STK33: variants seen among roughly 807,000 people sequenced by gnomAD.
STK33 encodes serine/threonine kinase 33, also known as serine/threonine-protein kinase 33.
Under a neutral mutation model 58.0 loss-of-function variants are expected in STK33, and 52 were observed. The ratio of observed to expected loss-of-function variants is 0.90; its 90% CI spans 0.72 to 1.13. The LOEUF (loss-of-function observed/expected upper bound fraction) is 1.13. Among genes scored for constraint, STK33 ranks in the 50% most tolerant of loss-of-function variants. STK33 has a pLI of 0.00. For synonymous variants in STK33, 215 were observed against 200.1 expected (o/e 1.07, Z -0.63); for missense variants, 630 against 604.2 (o/e 1.04, Z -0.45).
chr11:8,335,810 C>A, the STK33 span, among the ~76,000 whole-genome samples: 1 of 152,196 alleles, frequency 6.6e-6, no homozygotes, highest in Non-Finnish European at 1.5e-5. Flanking sequence ...ATTTTACATT[C>A]TTCTATGGTG....
Position 8,457,406 on chromosome 11 carries a change from G to C in STK33, c.632C>G (p.Ser211Ter). The change falls in exon 9 of 16, where the codon TCA becomes TGA. Residue 211 changes from serine to a stop codon, truncating the protein, a stop_gained. Coordinates refer to ENST00000687296, the MANE Select transcript of STK33 (RefSeq NM_001352389.2). LOFTEE classifies it high-confidence loss of function. Reference protein sequence around the residue: ...KEILDRKGHFSENETRWIIQS... With the variant: ...KEILDRKGHF ...AATGATCCACCTTGTCTCATTCTCT[G>C]AGAAATGCCCTTTCCTATCCAGAAT... 6.2e-7 allele frequency: 1 copy of C among 1,608,414 alleles called. No homozygotes were observed. Among genetic ancestry groups the C allele is most frequent in the Middle Eastern group, 1.7e-4 (1 of 6,038 alleles).
intron 1 of STK33, among the ~76,000 whole-genome samples, chr11:8,534,564 C>CTGTGTGTG (rs1308409632): frequency 5.8e-4 from 69 of 118,476 alleles, no homozygotes; most frequent in African/African-American, 1.1e-3. Context: ...CTCTCTCTCT[C>CTGTGTGTG]TCTCTGTGTG....
At chr11:8,378,364 C>G in the STK33 span, among the ~76,000 whole-genome samples, 1 of 152,114 alleles carries the variant, frequency 6.6e-6, no homozygotes, top group Non-Finnish European at 1.5e-5. Flanking sequence ...AATAAAAACA[C>G]AAAATTAGCT....
intron 1 of STK33, among the ~76,000 whole-genome samples, chr11:8,507,804 G>A (rs888316804): frequency 6.6e-6 from 1 of 152,272 alleles, no homozygotes; most frequent in Non-Finnish European, 1.5e-5. Flanking sequence ...CACAAGGATC[G>A]TGCAGTCTAG....
the STK33 span, among the ~76,000 whole-genome samples, chr11:8,356,085 G>A: frequency 5.9e-5 from 9 of 152,300 alleles, no homozygotes; most frequent in East Asian, 9.6e-4. Flanking sequence ...AGCTGGGGAC[G>A]GAGGATTACA....
chr11:8,461,465 A>G lies in STK33; in HGVS notation c.558+340T>C, dbSNP rs190476747. Among the ~76,000 whole-genome samples the G allele has an allele frequency of 2.8e-4, 43 of 152,222 alleles. 1 individual carries two copies. Among genetic ancestry groups the G allele is most frequent in the African/African-American group, 9.9e-4 (41 of 41,474 alleles). Reference sequence around the variant, plus strand: ...TTTGCAAAATTATGAAAATATTCCAATAAACTTTAATGGAGAAACTAAGGA... The same window carrying G: ...TTTGCAAAATTATGAAAATATTCCAGTAAACTTTAATGGAGAAACTAAGGA... On this transcript the variant is annotated intron_variant, in intron 8 of 15. Coordinates refer to ENST00000687296, the MANE Select transcript of STK33 (RefSeq NM_001352389.2).
At chr11:8,563,235 G>A (rs1341383194) in intron 1 of STK33, among the ~76,000 whole-genome samples, 2 of 152,054 alleles carry the variant, frequency 1.3e-5, no homozygotes, top group African/African-American at 4.8e-5. Context: ...TGTTCCTTGG[G>A]ATTCAAAGTT....
chr11:8,420,462 G>C (rs911689152), intron 14 of STK33, among the ~76,000 whole-genome samples: 6 of 152,092 alleles, frequency 3.9e-5, no homozygotes, highest in African/African-American at 1.4e-4. Context: ...ATTTCGAATT[G>C]CCTGCCAAGA....
At chr11:8,540,543 C>T (rs980694159) in intron 1 of STK33, among the ~76,000 whole-genome samples, 4 of 151,974 alleles carry the variant, frequency 2.6e-5, no homozygotes, top group African/African-American at 7.3e-5. Flanking sequence ...CATATACACA[C>T]AGGAATATTA....
intron 1 of STK33, among the ~76,000 whole-genome samples, chr11:8,549,446 T>C (rs1956160417): frequency 6.6e-6 from 1 of 152,094 alleles, no homozygotes; most frequent in Admixed American, 6.5e-5. Context: ...TTTTTGTTTT[T>C]TTTTTCTTTT....
the STK33 span, among the ~76,000 whole-genome samples, chr11:8,336,592 G>C: frequency 6.6e-6 from 1 of 152,254 alleles, no homozygotes; most frequent in Non-Finnish European, 1.5e-5. Context: ...CAAAGTGGGT[G>C]GCCCAGCCCT....
chr11:8,397,126 G>A (rs962434458), intron 15 of STK33, among the ~76,000 whole-genome samples: 3 of 152,224 alleles, frequency 2.0e-5, no homozygotes, highest in African/African-American at 7.2e-5. Flanking sequence ...AGTTCTCCCA[G>A]CACGCAGCTG....
intron 10 of STK33, among the ~76,000 whole-genome samples, chr11:8,453,937 A>G (rs1946569532): frequency 6.6e-6 from 1 of 152,210 alleles, no homozygotes; most frequent in African/African-American, 2.4e-5. Context: ...AATCCAACTT[A>G]GTTCTTTGGA....
At position 8,440,749 on chromosome 11, in the gene STK33, AGGG is replaced by A. The variant is rs1183119569; in HGVS notation, c.873_875del (p.Pro292del). On this transcript the variant is annotated inframe_deletion and splice_region_variant, in exon 12 of 16. Coordinates refer to ENST00000687296, the MANE Select transcript of STK33 (RefSeq NM_001352389.2). ...TATAGTCGTGGGCACTGATAACTTC[AGGG>A]GCTGCCAAACAAGCAGATATAAAAT... 6.4e-7 allele frequency: 1 copy of A among 1,564,090 alleles called. No individual in the cohort carries two copies. The highest frequency in any genetic ancestry group is 2.3e-5 in the East Asian group (1 of 42,822).
intron 14 of STK33, among the ~76,000 whole-genome samples, chr11:8,416,087 T>G (rs1305166991): frequency 6.6e-6 from 1 of 152,174 alleles, no homozygotes; most frequent in Non-Finnish European, 1.5e-5. Flanking sequence ...CAGCAAAGTG[T>G]GTATTTGTGT....
At chr11:8,576,160 TG>T (rs1958165156) in intron 1 of STK33, among the ~76,000 whole-genome samples, 2 of 152,060 alleles carry the variant, frequency 1.3e-5, no homozygotes, top group African/African-American at 4.8e-5. Context: ...GAGGACTGAA[TG>T]GGGAGTTGAA....
rs148183083 is a variant in STK33, at chr11:8,429,409, C to G, written c.1146+6085G>C. 5.9e-3 allele frequency among the ~76,000 whole-genome samples: 898 copies of G among 152,302 alleles called. 4 individuals carry two copies. Among genetic ancestry groups the G allele is most frequent in the South Asian group, 8.9e-3 (43 of 4,828 alleles). ...GTTCCAATCTACAAAACCAGCACTT[C>G]TAGACTTTAATTTTGTCTCACACCA... is the stretch of plus-strand genomic sequence containing the variant. On this transcript the variant is annotated intron_variant, in intron 14 of 15. Coordinates refer to ENST00000687296, the MANE Select transcript of STK33 (RefSeq NM_001352389.2).
chr11:8,403,660 T>C (rs1281050099), intron 15 of STK33, among the ~76,000 whole-genome samples: 1 of 152,196 alleles, frequency 6.6e-6, no homozygotes, highest in Non-Finnish European at 1.5e-5. Flanking sequence ...AAGATGACCT[T>C]ACAAGCCTTC....
chr11:8,492,210 C>G (rs1380593695), intron 1 of STK33, among the ~76,000 whole-genome samples: 2 of 152,004 alleles, frequency 1.3e-5, no homozygotes, highest in Non-Finnish European at 2.9e-5. Context: ...ATCTCACGTG[C>G]AGAGACACAC....
Sources: allele counts gnomAD v4.1 joint callset (sites outside exome capture counted in the v4.1 genomes callset), GRCh38; gene constraint gnomAD v4.1.1; transcripts MANE v1.5; gene names NCBI Gene and HGNC (gene_info 2026-07-23, HGNC 2026-07-21).